ADGRE2: variants seen among roughly 807,000 people sequenced by gnomAD.
ADGRE2 encodes adhesion G protein-coupled receptor E2.
ADGRE2 carries 83 observed loss-of-function variants against 100.8 expected under a neutral mutation model. The ratio of observed to expected loss-of-function variants is 0.82; its 90% CI spans 0.69 to 0.99. The LOEUF is 0.99. ADGRE2 is among the 50% of genes least tolerant of loss of function. ADGRE2 has a pLI of 0.00. For synonymous variants in ADGRE2, 355 were observed against 413.0 expected, an observed-to-expected ratio of 0.86 and a Z score of 1.70; for missense variants, 814 against 1,035.7, an observed-to-expected ratio of 0.79 and a Z score of 2.94.
chr19:14,739,171 T>C (rs1046800519), intron 20 of ADGRE2, among the ~76,000 whole-genome samples: 3 of 152,056 alleles, frequency 2.0e-5, no homozygotes, highest in African/African-American at 7.2e-5. Flanking sequence ...GGTCTTGCCA[T>C]GTTGGCCAGG....
chr19:14,766,336 G>T lies in ADGRE2; in HGVS notation c.533C>A (p.Thr178Asn), dbSNP rs61732009. 1.6e-3 allele frequency: 2,537 copies of T among 1,614,076 alleles called. 43 individuals carry two copies. The African/African-American group carries it at 0.028, about 18-fold the overall frequency. The part of the protein sequence containing the change: ...TSGQNPCHSS[T>N]HCLNNVGSYQ... The stretch of plus-strand genomic sequence containing the variant: ...GCTGCCCACGTTGTTGAGGCAGTGG[G>T]TGGAGCTGTGGCATGGGTTTTGTCC... The change falls in exon 7 of 21, where the codon ACC becomes AAC. Residue 178 changes from threonine to asparagine, a missense_variant. Coordinates refer to ENST00000315576, the MANE Select transcript of ADGRE2 (RefSeq NM_013447.4).
intron 13 of ADGRE2, 145 bp from the exon 14 acceptor site, chr19:14,755,272 A>G (rs2043453049): frequency 3.0e-6 from 1 of 330,614 alleles, no homozygotes; most frequent in Non-Finnish European, 4.9e-6. Context: ...CATCTCTACT[A>G]AAAAAAAAAA....
chr19:14,747,596 G>C lies in ADGRE2; in HGVS notation c.2025-634C>G, dbSNP rs934139824. 2.0e-5 allele frequency among the ~76,000 whole-genome samples: 3 copies of C among 152,106 alleles called. 1 individual carries two copies. In the South Asian group the frequency reaches 6.2e-4, roughly 31 times the overall value. On this transcript the variant is annotated intron_variant, in intron 16 of 20. Coordinates refer to ENST00000315576, the MANE Select transcript of ADGRE2 (RefSeq NM_013447.4). ...GAGGCGGGTGGATCATTTGATATCAGGAGTTTGAGACCAGCTTGCCCAGTG... is the reference window on the plus strand; with the variant it reads ...GAGGCGGGTGGATCATTTGATATCACGAGTTTGAGACCAGCTTGCCCAGTG...
Position 14,772,484 on chromosome 19 carries a change from A to G in ADGRE2, c.213T>C (p.Cys71=). Residue 71 remains cysteine, a synonymous_variant, in exon 5 of 21, where the codon TGT becomes TGC. Coordinates refer to ENST00000315576, the MANE Select transcript of ADGRE2 (RefSeq NM_013447.4). ...CGCATGACACTTTCGACAGTGTTGC[A>G]CACTCGTTGATGTCTGGAACACAAC... ...PMETCDDINE[C]ATLSKVSCGK... The G allele has an allele frequency of 4.3e-6, 7 of 1,614,020 alleles. No individual in the cohort carries two copies. Among genetic ancestry groups the G allele is most frequent in the Non-Finnish European group, 5.9e-6 (7 of 1,180,006 alleles).
At chr19:14,754,817 A>G in intron 14 of ADGRE2, 137 bp downstream of exon 14, 2 of 929,006 alleles carry the variant, frequency 2.2e-6, no homozygotes, top group Non-Finnish European at 3.2e-6. Flanking sequence ...CCCTGAGCAG[A>G]AAAGCCATCT....
At chr19:14,749,378 T>TATTATTTATAGTTATATAATATA in intron 16 of ADGRE2, among the ~76,000 whole-genome samples, 1 of 143,204 alleles carries the variant, frequency 7.0e-6, no homozygotes, top group Non-Finnish European at 1.5e-5. Flanking sequence ...AATGTGATCA[T>TATTATTTATAGTTATATAATATA]ATTATTTATA....
In ADGRE2 at chr19:14,732,857, T is replaced by C. The variant is rs2042686660; in HGVS notation, c.*3379A>G. 1 of 152,258 alleles carries C rather than the reference T, an allele frequency of 6.6e-6. No individual in the cohort carries two copies. The highest frequency in any genetic ancestry group is 1.5e-5 in the Non-Finnish European group (1 of 68,050). The allele number at this position is 152,258 out of a possible 1,614,324, so 9.4% of individuals were successfully genotyped here. On this transcript the variant is annotated 3_prime_UTR_variant, in exon 21 of 21. Transcript: ENST00000315576. ...TCATTCATTTATGATTGTCTATAGC[T>C]GTTTTCATACCACAGTGGTAGAATT...
At chr19:14,740,411 C>T (rs1272038982) in intron 20 of ADGRE2, among the ~76,000 whole-genome samples, 1 of 151,860 alleles carries the variant, frequency 6.6e-6, no homozygotes, top group Non-Finnish European at 1.5e-5. Context: ...CACCTGAGGT[C>T]GGGAATTTGA....
chr19:14,765,014 T>C (rs1205609644), intron 10 of ADGRE2, among the ~76,000 whole-genome samples: 1 of 149,460 alleles, frequency 6.7e-6, no homozygotes, highest in Non-Finnish European at 1.5e-5. Context: ...AGACTCCGTC[T>C]AAAAAAAAAA....
chr19:14,737,260 T>C (rs1218745097), intron 20 of ADGRE2, among the ~76,000 whole-genome samples: 1 of 151,842 alleles, frequency 6.6e-6, no homozygotes, highest in East Asian at 1.9e-4. Context: ...CCATCTCTGC[T>C]CACTGCAACC....
At chr19:14,764,304 T>C (rs2043866678) in intron 11 of ADGRE2, 129 bp downstream of exon 11, 1 of 786,638 alleles carries the variant, frequency 1.3e-6, no homozygotes, top group African/African-American at 1.7e-5. Context: ...CTTTTTAATC[T>C]CTTATTTTAG....
At chr19:14,753,586 G>A (rs1249985775) in intron 14 of ADGRE2, among the ~76,000 whole-genome samples, 1 of 152,016 alleles carries the variant, frequency 6.6e-6, no homozygotes, top group Non-Finnish European at 1.5e-5. Flanking sequence ...TTGAGGTAAG[G>A]AGTTCGAGAC....
At chr19:14,727,191 C>A in the ADGRE2 span, among the ~76,000 whole-genome samples, 1 of 152,032 alleles carries the variant, frequency 6.6e-6, no homozygotes, top group Non-Finnish European at 1.5e-5. Flanking sequence ...CCACGCCTGG[C>A]TAATTTTTTT....
intron 11 of ADGRE2, among the ~76,000 whole-genome samples, chr19:14,761,375 C>T (rs2043717503): frequency 6.6e-6 from 1 of 152,154 alleles, no homozygotes; most frequent in Non-Finnish European, 1.5e-5. Context: ...CACTGCACTC[C>T]AGCCTGGTTG....
At chr19:14,766,161 G>C in intron 7 of ADGRE2, 74 bp downstream of exon 7, 1 of 1,609,598 alleles carries the variant, frequency 6.2e-7, no homozygotes, top group Non-Finnish European at 8.5e-7. Context: ...ATTCTGCTTG[G>C]TTTGTGTGGG....
At chr19:14,754,894 T>G (rs2043433902) in intron 14 of ADGRE2, 60 bp downstream of exon 14, 2 of 1,576,724 alleles carry the variant, frequency 1.3e-6, no homozygotes, top group Non-Finnish European at 1.7e-6. Flanking sequence ...GGCTGCTACG[T>G]CTCTGGGGAT....
chr19:14,767,243 T>TTTC (rs566436797), intron 5 of ADGRE2, 134 bp from the exon 6 acceptor site: 3,920 of 79,642 alleles, frequency 0.049, 58 homozygotes, highest in African/African-American at 0.34. Flanking sequence ...TCTTTCTTTC[T>TTTC]TTTTTTTTTT....
At chr19:14,761,074 T>C (rs1390899603) in intron 11 of ADGRE2, among the ~76,000 whole-genome samples, 1 of 152,196 alleles carries the variant, frequency 6.6e-6, no homozygotes, top group African/African-American at 2.4e-5. Flanking sequence ...TTAAACATAT[T>C]TGATTGATGT....
chr19:14,743,270 C>G lies in ADGRE2; in HGVS notation c.2463+150G>C, dbSNP rs1336350932. The G allele has an allele frequency of 8.7e-6, 6 of 690,918 alleles. No homozygotes were observed. The Admixed American group carries it at 1.2e-4, about 13-fold the overall frequency. The allele number at this position is 690,918 out of a possible 1,614,324, so 42.8% of individuals were successfully genotyped here. ...TAAAAAAAAACATTTAAACTGAGAT[C>G]ATTGCTAATGGTTAATGAGTCAAGG... On this transcript the variant is annotated intron_variant, in intron 20 of 20. Transcript: ENST00000315576.
Sources: allele counts gnomAD v4.1 joint callset (sites outside exome capture counted in the v4.1 genomes callset), GRCh38; gene constraint gnomAD v4.1.1; transcripts MANE v1.5; gene names NCBI Gene and HGNC (gene_info 2026-07-23, HGNC 2026-07-21).